The following FBXO25 variants were observed in gnomAD, a reference collection of about 807,000 sequenced individuals.
FBXO25 encodes the protein F-box protein 25, also known as F-box only protein 25.
A neutral mutation model predicts 51.9 loss-of-function variants in FBXO25; 45 were observed. That is an observed-to-expected ratio of 0.87 (90% confidence interval 0.68 to 1.11). FBXO25 has a LOEUF of 1.11. FBXO25 is among the 50% of genes most tolerant of loss of function. The pLI, the probability that FBXO25 is intolerant of heterozygous loss-of-function variation, is 0.00. For missense variants in FBXO25, 507 were observed against 428.5 expected (o/e 1.18, Z -1.62); for synonymous variants, 199 against 151.0 (o/e 1.32, Z -2.33).
At chr8:464,926 C>T (rs1256125143) in intron 9 of FBXO25, among the ~76,000 whole-genome samples, 1 of 152,108 alleles carries the variant, frequency 6.6e-6, no homozygotes, top group African/African-American at 2.4e-5. Flanking sequence ...GACTATTATC[C>T]CTCAAGAGCA....
chr8:429,408 GT>G (rs1797685898), intron 2 of FBXO25, among the ~76,000 whole-genome samples: 1 of 152,094 alleles, frequency 6.6e-6, no homozygotes, highest in East Asian at 1.9e-4. Flanking sequence ...AGGTTCCCTT[GT>G]TTTTAAGTCA....
chr8:425,685 AAATTCTC>A (rs1797429620), intron 2 of FBXO25, among the ~76,000 whole-genome samples: 10 of 151,848 alleles, frequency 6.6e-5, no homozygotes, highest in Admixed American at 2.6e-4. Context: ...TGAGTCCTAT[AAATTCTC>A]TATATATTTT....
intron 9 of FBXO25, among the ~76,000 whole-genome samples, chr8:466,565 C>T (rs1800172953): frequency 6.6e-6 from 1 of 152,168 alleles, no homozygotes; most frequent in East Asian, 1.9e-4. Flanking sequence ...GTGTTGTTGA[C>T]TCTAAATTCT....
At chr8:461,528 A>G (rs899694838) in intron 8 of FBXO25, among the ~76,000 whole-genome samples, 2 of 152,126 alleles carry the variant, frequency 1.3e-5, no homozygotes, top group African/African-American at 4.8e-5. Context: ...ACTTGCCCCC[A>G]TGATTCAGTT....
rs539417328 is a variant in FBXO25 at position 445,822 on chromosome 8, G to T, written c.382-4168G>T. On this transcript the variant is annotated intron_variant, in intron 5 of 9. Transcript: ENST00000350302. ...GGAAGCAGAGGTTGCAGTGAGCCGA[G>T]ATCGCGCCATTGCACTCCAGCCTGG... 4.6e-5 allele frequency among the ~76,000 whole-genome samples: 7 copies of T among 152,346 alleles called. No individual in the cohort carries two copies. In the South Asian group the frequency reaches 1.4e-3, roughly 32 times the overall value.
intron 7 of FBXO25, 148 bp from the exon 8 acceptor site, chr8:458,221 G>A: frequency 1.2e-6 from 1 of 815,316 alleles, no homozygotes; most frequent in South Asian, 1.8e-5. Flanking sequence ...GTGGATGCAG[G>A]CCCCTTGACA....
chr8:462,150 A>C (rs56210047), intron 8 of FBXO25, among the ~76,000 whole-genome samples: 2,795 of 152,208 alleles, frequency 0.018, 90 homozygotes, highest in African/African-American at 0.062. Context: ...ACCCCTCCCC[A>C]GTGCTTCTCA....
At chr8:452,963 G>C (rs1210168128) in intron 7 of FBXO25, among the ~76,000 whole-genome samples, 3 of 151,510 alleles carry the variant, frequency 2.0e-5, no homozygotes, top group Non-Finnish European at 4.4e-5. Flanking sequence ...CACGGGCTGA[G>C]GGATAATAGT....
intron 9 of FBXO25, among the ~76,000 whole-genome samples, chr8:463,355 A>G (rs1441690931): frequency 6.6e-6 from 1 of 152,230 alleles, no homozygotes; most frequent in Non-Finnish European, 1.5e-5. Flanking sequence ...GAAAACCAAA[A>G]TGCTTCTCCT....
intron 1 of FBXO25, among the ~76,000 whole-genome samples, chr8:407,906 C>A (rs904020765): frequency 1.3e-5 from 2 of 152,166 alleles, no homozygotes; most frequent in African/African-American, 2.4e-5. Context: ...GTCCTTGGGC[C>A]TATTCAAACT....
At chr8:466,288 T>G (rs963870523) in intron 9 of FBXO25, among the ~76,000 whole-genome samples, 1 of 152,204 alleles carries the variant, frequency 6.6e-6, no homozygotes, top group Non-Finnish European at 1.5e-5. Flanking sequence ...CAAACCCAGA[T>G]TGGAGTCAGG....
chr8:424,729 T>C (rs2117544953), intron 2 of FBXO25, among the ~76,000 whole-genome samples: 1 of 152,336 alleles, frequency 6.6e-6, no homozygotes, highest in South Asian at 2.1e-4. Context: ...TGAGTCTGTT[T>C]TTGTACCAGT....
At chr8:435,483 C>A in intron 4 of FBXO25, 132 bp from the exon 5 acceptor site, 3 of 1,046,420 alleles carry the variant, frequency 2.9e-6, no homozygotes, top group Non-Finnish European at 4.1e-6. Flanking sequence ...TCATCTAAAT[C>A]TAAAATCAGT....
chr8:468,193 G>A, intron 9 of FBXO25: 2 of 1,012,264 alleles, frequency 2.0e-6, no homozygotes, highest in Non-Finnish European at 2.4e-6. Flanking sequence ...TGTGAGCATG[G>A]CCAGCTCCCT....
At chr8:442,285 T>C (rs1798471060) in intron 5 of FBXO25, among the ~76,000 whole-genome samples, 2 of 117,324 alleles carry the variant, frequency 1.7e-5, no homozygotes, top group Admixed American at 8.5e-5. Flanking sequence ...GTTACTCCAA[T>C]TATTTTTTTT....
At chr8:421,023 C>T (rs1022157740) in intron 2 of FBXO25, among the ~76,000 whole-genome samples, 1 of 152,222 alleles carries the variant, frequency 6.6e-6, no homozygotes, top group Non-Finnish European at 1.5e-5. Context: ...AACCCCTAGG[C>T]CATGGATCGG....
At chr8:446,570 A>G (rs1310428489) in intron 5 of FBXO25, among the ~76,000 whole-genome samples, 1 of 143,280 alleles carries the variant, frequency 7.0e-6, no homozygotes, top group Non-Finnish European at 1.6e-5. Flanking sequence ...CTTTGTCTCT[A>G]AATTGATTCT....
chr8:437,552 TA>T (rs1453520497), intron 5 of FBXO25, among the ~76,000 whole-genome samples: 1 of 152,190 alleles, frequency 6.6e-6, no homozygotes, highest in Non-Finnish European at 1.5e-5. Flanking sequence ...AAGTTACCTC[TA>T]AAAAGTGATT....
chr8:445,212 C>G (rs546843178), intron 5 of FBXO25, among the ~76,000 whole-genome samples: 14 of 152,318 alleles, frequency 9.2e-5, no homozygotes, highest in Admixed American at 3.3e-4. Context: ...GGTAACTAGT[C>G]TAAACTGACC....
Sources: allele counts gnomAD v4.1 joint callset (sites outside exome capture counted in the v4.1 genomes callset), GRCh38; gene constraint gnomAD v4.1.1; transcripts MANE v1.5; gene names NCBI Gene and HGNC (gene_info 2026-07-23, HGNC 2026-07-21).